OPN4: variants seen among roughly 807,000 people sequenced by gnomAD.
OPN4 encodes the protein melanopsin.
A neutral mutation model predicts 49.5 loss-of-function variants in OPN4; 43 were observed. The ratio of observed to expected loss-of-function variants is 0.87; its 90% CI spans 0.68 to 1.12. The LOEUF is 1.12. Among genes scored for constraint, OPN4 ranks in the 50% most tolerant of loss-of-function variants. The pLI is 0.00. For synonymous variants in OPN4, 263 were observed against 258.0 expected, an observed-to-expected ratio of 1.02 and a Z score of -0.19; for missense variants, 657 against 643.9, an observed-to-expected ratio of 1.02 and a Z score of -0.22.
chr10:86,661,547 G>A (rs1236040237), intron 7 of OPN4, among the ~76,000 whole-genome samples, 159 bp downstream of exon 7: 2 of 152,142 alleles, frequency 1.3e-5, no homozygotes, highest in East Asian at 3.9e-4. Flanking sequence ...TGGAGTTGGT[G>A]TGCCTCCCTC....
intron 2 of OPN4, among the ~76,000 whole-genome samples, chr10:86,657,829 T>C (rs1396019739): frequency 6.6e-6 from 1 of 152,022 alleles, no homozygotes; most frequent in African/African-American, 2.4e-5. Flanking sequence ...CACTGCTGGG[T>C]TCAACAGCTG....
chr10:86,661,855 G>T (rs886813685), intron 7 of OPN4, among the ~76,000 whole-genome samples: 1 of 152,106 alleles, frequency 6.6e-6, no homozygotes, highest in African/African-American at 2.4e-5. Context: ...CTTTTGCCTG[G>T]TGATGTCAGT....
In OPN4 at chr10:86,659,429, G is replaced by T; in HGVS notation, c.761G>T (p.Cys254Phe). Reference sequence around the variant, plus strand: ...CTCCCTCTGCTTATCATCATCTACTGCTACATCTTCATCTTCAGGGCCATC... The same window carrying T: ...CTCCCTCTGCTTATCATCATCTACTTCTACATCTTCATCTTCAGGGCCATC... ...FFLPLLIIIY[C>F]YIFIFRAIRE... is the part of the protein sequence containing the mutation. Residue 254 changes from cysteine to phenylalanine, a missense_variant, in exon 5 of 10, where the codon TGC (cysteine) becomes TTC (phenylalanine). Cys to Phe is a radical substitution (Grantham distance 205). Coordinates refer to ENST00000241891, the MANE Select transcript of OPN4 (RefSeq NM_033282.4). The T allele has an allele frequency of 6.2e-7, 1 of 1,614,080 alleles. No homozygotes were observed. Among genetic ancestry groups the T allele is most frequent in the East Asian group, 2.2e-5 (1 of 44,880 alleles).
rs557197603 is a variant in OPN4, at chr10:86,661,441, C to T, written c.1073+53C>T. ...CTTGGCCTCCAAGGGCCTGGCCTGC[C>T]GATGGGGGCAGAGGCCACCACCTTT... On this transcript the variant is annotated intron_variant, in intron 7 of 9. Coordinates refer to ENST00000241891, the MANE Select transcript of OPN4 (RefSeq NM_033282.4). 4.9e-5 allele frequency: 68 copies of T among 1,381,908 alleles called. No homozygotes were observed. In the African/African-American group the frequency reaches 5.4e-4, roughly 11 times the overall value. 85.6% of individuals were successfully genotyped at this position (1,381,908 alleles called of 1,614,324 possible).
At chr10:86,657,139 A>C in intron 2 of OPN4, 1 of 775,982 alleles carries the variant, frequency 1.3e-6, no homozygotes, top group Non-Finnish European at 2.4e-6. Flanking sequence ...CTGCCAGCTG[A>C]AGGACTGGGC....
intron 9 of OPN4, chr10:86,664,011 T>C: frequency 1.7e-6 from 1 of 578,052 alleles, no homozygotes. Context: ...GCATATGGTC[T>C]GCACATGTGT....
chr10:86,661,422 C>T (rs960194237), intron 7 of OPN4, 34 bp downstream of exon 7: 8 of 1,524,196 alleles, frequency 5.2e-6, no homozygotes, highest in Non-Finnish European at 7.3e-6. Context: ...ACACCTTGGC[C>T]TCCAAGGGCC....
chr10:86,663,027 C>G (rs1844052377), intron 8 of OPN4, among the ~76,000 whole-genome samples: 1 of 152,172 alleles, frequency 6.6e-6, no homozygotes, highest in Non-Finnish European at 1.5e-5. Flanking sequence ...CAGGTGTGCC[C>G]AGGGATGGGT....
chr10:86,662,453 C>A (rs762580542), intron 8 of OPN4, 21 bp downstream of exon 8: 1 of 1,537,248 alleles, frequency 6.5e-7, no homozygotes, highest in East Asian at 2.4e-5. Context: ...TGGGCCCTCA[C>A]CAGCTTGCGC....
intron 9 of OPN4, among the ~76,000 whole-genome samples, chr10:86,664,889 G>T (rs1477742615): frequency 3.3e-5 from 5 of 152,194 alleles, no homozygotes; most frequent in Admixed American, 2.6e-4. Flanking sequence ...GCTCAGGGGG[G>T]TTGCTGGGCA....
At chr10:86,656,337 G>A (rs1843864503) in intron 2 of OPN4, 37 bp downstream of exon 2, 1 of 1,556,546 alleles carries the variant, frequency 6.4e-7, no homozygotes, top group Non-Finnish European at 8.7e-7. Context: ...GGGCACTGAG[G>A]GTGGCAGCCA....
intron 4 of OPN4, 131 bp downstream of exon 4, chr10:86,658,818 G>T: frequency 2.4e-6 from 2 of 849,176 alleles, no homozygotes; most frequent in South Asian, 3.2e-5. Flanking sequence ...CCTCAGGTGA[G>T]ATGGACATTC....
chr10:86,660,179 G>C, intron 6 of OPN4, 120 bp downstream of exon 6: 1 of 1,094,486 alleles, frequency 9.1e-7, no homozygotes, highest in Middle Eastern at 2.7e-4. Context: ...CCTAGGACCA[G>C]CTTCACAGCT....
chr10:86,657,917 T>C (rs1290184277), intron 2 of OPN4, 115 bp from the exon 3 acceptor site: 2 of 1,118,640 alleles, frequency 1.8e-6, no homozygotes, highest in East Asian at 2.4e-5. Context: ...CATGTGTGTG[T>C]GCATGTGTAA....
At position 86,654,809 on chromosome 10, in the gene OPN4, T is replaced by TTC; in HGVS notation, c.26_27insTC (p.Pro11ArgfsTer67). On this transcript the variant is annotated frameshift_variant, in exon 1 of 10. Transcript: ENST00000241891. LOFTEE classifies it high-confidence loss of function. ...ATGAACCCTCCTTCGGGGCCAAGAG[T>TTC]CCCGCCCAGCCCAACCCAAGAGCCC... 6.4e-6 allele frequency: 10 copies of TTC among 1,554,730 alleles called. No homozygotes were observed. Among genetic ancestry groups the TTC allele is most frequent in the Middle Eastern group, 1.7e-4 (1 of 5,920 alleles).
In OPN4 at chr10:86,660,033, C is replaced by A. The variant is rs139597112; in HGVS notation, c.939C>A (p.Ser313=). ...LLFVLSWAPY[S]AVALVAFAGY... ...TCGTGCTCTCCTGGGCTCCCTATTC[C>A]GCTGTGGCCCTGGTGGCCTTTGCTG... The change falls in exon 6 of 10, where the codon TCC becomes TCA. Residue 313 remains serine, a synonymous_variant. Transcript: ENST00000241891. 1.2e-6 allele frequency: 2 copies of A among 1,614,210 alleles called. No individual in the cohort carries two copies. Among genetic ancestry groups the A allele is most frequent in the Admixed American group, 1.7e-5 (1 of 60,032 alleles).
In OPN4 at chr10:86,654,842, T is replaced by C; in HGVS notation, c.59T>C (p.Met20Thr). ...PPSPTQEPSC[M>T]ATPAPPSWWD... The stretch of plus-strand genomic sequence containing the variant: ...AGCCCAACCCAAGAGCCCAGCTGCA[T>C]GGCCACCCCAGCACCACCCAGCTGG... Residue 20 changes from methionine (M) to threonine (T), a missense_variant, in exon 1 of 10, where the codon ATG becomes ACG. Transcript: ENST00000241891. The C allele has an allele frequency of 7.3e-7, 1 of 1,368,412 alleles. No individual in the cohort carries two copies. Among genetic ancestry groups the C allele is most frequent in the East Asian group, 3.4e-5 (1 of 29,436 alleles). The allele number at this position is 1,368,412 out of a possible 1,614,324, so 84.8% of individuals were successfully genotyped here. A position where few individuals can be genotyped will look rare whatever the true frequency, so the allele number is the denominator to read the frequency against.
At position 86,658,561 on chromosome 10, in the gene OPN4, C is replaced by T. The variant is rs143641898; in HGVS notation, c.502C>T (p.Arg168Cys). Reference sequence around the variant, plus strand: ...CACCCTGACGGCCATCGCCCTGGACCGCTACCTGGTAATCACACGCCCGCT... The same window carrying T: ...CACCCTGACGGCCATCGCCCTGGACTGCTACCTGGTAATCACACGCCCGCT... ...MITLTAIALD[R>C]YLVITRPLAT... The change falls in exon 4 of 10, where the codon CGC becomes TGC. Residue 168 changes from arginine to cysteine, a missense_variant. Transcript: ENST00000241891. 1,033 of 1,614,096 alleles carry T rather than the reference C, an allele frequency of 6.4e-4. No individual in the cohort carries two copies. The highest frequency in any genetic ancestry group is 8.2e-4 in the Non-Finnish European group (969 of 1,180,048).
intron 1 of OPN4, among the ~76,000 whole-genome samples, chr10:86,655,344 G>A (rs776144456): frequency 2.0e-5 from 3 of 152,154 alleles, no homozygotes; most frequent in African/African-American, 7.2e-5. Flanking sequence ...CCCAGGCCCA[G>A]GGCCATATTC....
Sources: allele counts gnomAD v4.1 joint callset (sites outside exome capture counted in the v4.1 genomes callset), GRCh38; gene constraint gnomAD v4.1.1; transcripts MANE v1.5; gene names NCBI Gene and HGNC (gene_info 2026-07-23, HGNC 2026-07-21).